Variants in CCDC180 observed in about 807,000 individuals in gnomAD.
CCDC180 encodes the protein coiled-coil domain containing 180, also known as coiled-coil domain-containing protein 180.
In CCDC180, 154 loss-of-function variants were observed where a neutral mutation model predicts 209.2. The ratio of observed to expected loss-of-function variants is 0.74; its 90% CI spans 0.65 to 0.84. The LOEUF is 0.84. Ranked by LOEUF, CCDC180 falls within the 40% of genes least tolerant of loss-of-function variation. CCDC180 has a pLI of 0.00. For synonymous variants in CCDC180, 778 were observed against 749.1 expected, an observed-to-expected ratio of 1.04 and a Z score of -0.63; for missense variants, 1,874 against 1,997.3, an observed-to-expected ratio of 0.94 and a Z score of 1.18.
At chr9:97,327,640 G>A (rs1480013386) in intron 15 of CCDC180, among the ~76,000 whole-genome samples, 2 of 152,154 alleles carry the variant, frequency 1.3e-5, no homozygotes, top group Admixed American at 6.5e-5. Context: ...AGGCAAGTAC[G>A]TAACCCTATG....
At chr9:97,343,229 A>C (rs1826139488) in intron 18 of CCDC180, 111 bp from the exon 19 acceptor site, 1 of 650,544 alleles carries the variant, frequency 1.5e-6, no homozygotes, top group Admixed American at 2.8e-5. Context: ...TTCGGCCCAT[A>C]ATCTTGGCCC....
chr9:97,324,117 G>A (rs1057283138), intron 13 of CCDC180, among the ~76,000 whole-genome samples: 1 of 152,124 alleles, frequency 6.6e-6, no homozygotes, highest in African/African-American at 2.4e-5. Flanking sequence ...TGGGTGCTGC[G>A]CAGAACTCCA....
At chr9:97,310,185 G>C (rs752243) in intron 3 of CCDC180, among the ~76,000 whole-genome samples, 27,899 of 152,252 alleles carry the variant, frequency 0.18, 3,179 homozygotes, top group Middle Eastern at 0.28. Flanking sequence ...AATGTGGGGG[G>C]CTTCAAGAAG....
At chr9:97,321,565 A>G (rs1319173442) in intron 11 of CCDC180, among the ~76,000 whole-genome samples, 1 of 152,172 alleles carries the variant, frequency 6.6e-6, no homozygotes, top group Admixed American at 6.5e-5. Flanking sequence ...GTGTTTCTGT[A>G]TGAGCCACAG....
intron 25 of CCDC180, among the ~76,000 whole-genome samples, chr9:97,358,762 G>A (rs1025685417): frequency 2.0e-5 from 3 of 152,156 alleles, no homozygotes; most frequent in Non-Finnish European, 4.4e-5. Flanking sequence ...CAACAGTCCA[G>A]CCAGGTGCTC....
At chr9:97,330,076 A>G in intron 16 of CCDC180, 78 bp from the exon 17 acceptor site, 1 of 1,193,060 alleles carries the variant, frequency 8.4e-7, no homozygotes, top group East Asian at 2.4e-5. Flanking sequence ...CAAAAAAAAA[A>G]AAAAAAAAAA....
rs778452326 is a variant in CCDC180, at chr9:97,354,642, GC to G, written c.3079del (p.Arg1027GlyfsTer2). The G allele has an allele frequency of 3.1e-6, 5 of 1,614,218 alleles. No homozygotes were observed. Among genetic ancestry groups the G allele is most frequent in the Non-Finnish European group, 4.2e-6 (5 of 1,180,040 alleles). ...GTGTTCCCGACTGGAGAAGGAAGCT[GC>G]CCGGATAGAGTTGGTTGAAAGTGTC... ...SLCSRLEKEA[A>X]RIELVESVIM... is the part of the protein sequence containing the mutation. On this transcript the variant is annotated frameshift_variant, in exon 23 of 37. Coordinates refer to ENST00000529487, the MANE Select transcript of CCDC180 (RefSeq NM_020893.6). LOFTEE classifies it high-confidence loss of function.
chr9:97,347,246 C>G, intron 19 of CCDC180, 68 bp from the exon 20 acceptor site: 1 of 1,472,136 alleles, frequency 6.8e-7, no homozygotes, highest in South Asian at 1.3e-5. Context: ...CTTTGGGTCT[C>G]CATATGGAAA....
intron 31 of CCDC180, among the ~76,000 whole-genome samples, chr9:97,367,623 G>A (rs1005285721): frequency 2.0e-5 from 3 of 152,060 alleles, no homozygotes; most frequent in African/African-American, 4.8e-5. Flanking sequence ...ACAGGCGCAT[G>A]CCACCATGCC....
chr9:97,361,298 G>A (rs1826745700), intron 26 of CCDC180, among the ~76,000 whole-genome samples: 1 of 152,234 alleles, frequency 6.6e-6, no homozygotes, highest in African/African-American at 2.4e-5. Context: ...CACATCTGCA[G>A]GTCTAACTTC....
In CCDC180 at chr9:97,314,614, G is replaced by C. The variant is rs3747502; in HGVS notation, c.589-4G>C. 5.0e-6 allele frequency: 8 copies of C among 1,613,898 alleles called. No homozygotes were observed. In the East Asian group the frequency reaches 1.3e-4, roughly 27 times the overall value. On this transcript the variant is annotated splice_region_variant and splice_polypyrimidine_tract_variant and intron_variant, in intron 6 of 36. Transcript: ENST00000529487. Reference sequence around the variant, plus strand: ...CCTAGCCTGACCCAAACTTCTCTGCGTAGGCCCTGCTGGAGCTGTGGGATA... The same window carrying C: ...CCTAGCCTGACCCAAACTTCTCTGCCTAGGCCCTGCTGGAGCTGTGGGATA...
chr9:97,343,237 C>A, intron 18 of CCDC180, 103 bp from the exon 19 acceptor site: 1 of 692,086 alleles, frequency 1.4e-6, no homozygotes, highest in Non-Finnish European at 2.4e-6. Flanking sequence ...ATAATCTTGG[C>A]CCAAAATTTG....
At chr9:97,334,603 T>A (rs1462678265) in intron 18 of CCDC180, among the ~76,000 whole-genome samples, 1 of 152,258 alleles carries the variant, frequency 6.6e-6, no homozygotes, top group East Asian at 1.9e-4. Flanking sequence ...TTTAGGGCTA[T>A]GTATGTCCTT....
At chr9:97,335,327 C>G (rs1469970530) in intron 18 of CCDC180, among the ~76,000 whole-genome samples, 3 of 152,148 alleles carry the variant, frequency 2.0e-5, no homozygotes, top group Non-Finnish European at 4.4e-5. Context: ...ATCCCTCCCC[C>G]ATTCCCCCAC....
intron 11 of CCDC180, among the ~76,000 whole-genome samples, chr9:97,322,573 A>G (rs1833393397): frequency 6.6e-6 from 1 of 152,188 alleles, no homozygotes; most frequent in Non-Finnish European, 1.5e-5. Context: ...AAGGAATTTC[A>G]CCAGCCCTGA....
intron 18 of CCDC180, among the ~76,000 whole-genome samples, chr9:97,333,910 T>A (rs1825826765): frequency 6.6e-6 from 1 of 151,956 alleles, no homozygotes; most frequent in Non-Finnish European, 1.5e-5. Flanking sequence ...AACCTCTGCC[T>A]CCCAGGTTCA....
chr9:97,320,265 T>G, intron 11 of CCDC180, 60 bp downstream of exon 11: 1 of 1,482,604 alleles, frequency 6.7e-7, no homozygotes, highest in Non-Finnish European at 9.4e-7. Context: ...GCAGTTGCTT[T>G]GCTGAAGCTC....
intron 18 of CCDC180, 109 bp from the exon 19 acceptor site, chr9:97,343,231 T>C: frequency 1.5e-6 from 1 of 663,642 alleles, no homozygotes; most frequent in East Asian, 2.8e-5. Context: ...CGGCCCATAA[T>C]CTTGGCCCAA....
At chr9:97,330,066 CAAAAAAAAAA>C (rs34372293) in intron 16 of CCDC180, 78 bp from the exon 17 acceptor site, 12 of 582,064 alleles carry the variant, frequency 2.1e-5, no homozygotes, top group East Asian at 6.8e-5. Context: ...AGACTCCTCT[CAAAAAAAAAA>C]AAAAAAAAAA....
Sources: allele counts gnomAD v4.1 joint callset (sites outside exome capture counted in the v4.1 genomes callset), GRCh38; gene constraint gnomAD v4.1.1; transcripts MANE v1.5; gene names NCBI Gene and HGNC (gene_info 2026-07-23, HGNC 2026-07-21).